Variants in SLCO1C1 observed in about 807,000 individuals in gnomAD.
SLCO1C1 encodes solute carrier organic anion transporter family member 1C1, also known as OAT-RP-5.
In SLCO1C1, 70 loss-of-function variants were observed where a neutral mutation model predicts 76.4. That is an observed-to-expected ratio of 0.92 (90% CI 0.76 to 1.12). The LOEUF (loss-of-function observed/expected upper bound fraction) is 1.12, where lower values mean the gene tolerates loss of function less well. Among genes scored for constraint, SLCO1C1 ranks in the 50% most tolerant of loss-of-function variants. The pLI is 0.00. For missense variants in SLCO1C1, 912 were observed against 823.8 expected, an observed-to-expected ratio of 1.11 and a Z score of -1.31; for synonymous variants, 306 against 286.1, an observed-to-expected ratio of 1.07 and a Z score of -0.70.
rs544107804 is a variant in SLCO1C1, at chr12:20,713,118, C to T, written c.529+1608C>T. 3.5e-5 allele frequency among the ~76,000 whole-genome samples: 5 copies of T among 143,954 alleles called. No individual in the cohort carries two copies. The South Asian group carries it at 8.8e-4, about 25-fold the overall frequency. 94.4% of individuals were successfully genotyped at this position (143,954 alleles called of 152,430 possible). A position where few individuals can be genotyped will look rare whatever the true frequency, so the allele number is the denominator to read the frequency against. On this transcript the variant is annotated intron_variant, in intron 5 of 14. Coordinates refer to ENST00000266509, the MANE Select transcript of SLCO1C1 (RefSeq NM_017435.5). ...TTTTTGAGACGGAGTCTCGCTCTGT[C>T]GCCCAGGCTGGAGTGCAGTGGCGCG...
chr12:20,723,020 C>T lies in SLCO1C1; in HGVS notation c.1022-70C>T, dbSNP rs71581957. 9.2e-3 allele frequency: 13,011 copies of T among 1,409,396 alleles called. 105 individuals carry two copies. Among genetic ancestry groups the T allele is most frequent in the South Asian group, 0.028 (2,132 of 76,060 alleles). The allele number at this position is 1,409,396 out of a possible 1,614,324, so 87.3% of individuals were successfully genotyped here. On this transcript the variant is annotated intron_variant, in intron 8 of 14. Transcript: ENST00000266509. Reference sequence around the variant, plus strand: ...ATGGGCCCCAGCCCTGTAAGTCCTGCCAGCACGGCTACTTCTTCTTCCATG... The same window carrying T: ...ATGGGCCCCAGCCCTGTAAGTCCTGTCAGCACGGCTACTTCTTCTTCCATG...
At chr12:20,724,147 T>C (rs1418992434) in intron 9 of SLCO1C1, among the ~76,000 whole-genome samples, 3 of 151,926 alleles carry the variant, frequency 2.0e-5, no homozygotes, top group African/African-American at 7.2e-5. Context: ...ACTTTTAACA[T>C]CAATTGATTT....
chr12:20,745,650 C>A (rs1377347527), intron 13 of SLCO1C1, among the ~76,000 whole-genome samples: 1 of 151,736 alleles, frequency 6.6e-6, no homozygotes, highest in Non-Finnish European at 1.5e-5. Flanking sequence ...CATGGTGAAA[C>A]CCCATCTCTA....
intron 11 of SLCO1C1, among the ~76,000 whole-genome samples, chr12:20,739,357 A>T (rs911694759): frequency 1.3e-5 from 2 of 152,032 alleles, no homozygotes; most frequent in Admixed American, 1.3e-4. Flanking sequence ...AAAGACATAC[A>T]TTAGAATAAG....
intron 3 of SLCO1C1, among the ~76,000 whole-genome samples, chr12:20,705,450 CAT>C (rs1446434881): frequency 2.0e-5 from 3 of 151,866 alleles, no homozygotes; most frequent in East Asian, 1.9e-4. Context: ...CATTTGTGTA[CAT>C]GTGTTTCATC....
intron 10 of SLCO1C1, among the ~76,000 whole-genome samples, chr12:20,733,637 C>A (rs1411859767): frequency 6.6e-6 from 1 of 152,182 alleles, no homozygotes; most frequent in Non-Finnish European, 1.5e-5. Context: ...CTTTGCAATC[C>A]TCCATAGTTG....
intron 11 of SLCO1C1, among the ~76,000 whole-genome samples, chr12:20,737,845 T>C (rs1021297127): frequency 6.6e-6 from 1 of 152,044 alleles, no homozygotes; most frequent in Non-Finnish European, 1.5e-5. Flanking sequence ...GTAGGAAATA[T>C]AGGTAGGAAT....
At chr12:20,709,829 C>T (rs1946976992) in intron 4 of SLCO1C1, among the ~76,000 whole-genome samples, 1 of 16,548 alleles carries the variant, frequency 6.0e-5, no homozygotes, top group Admixed American at 4.4e-4. Flanking sequence ...TGCAGTGAGC[C>T]GAGATTGCGC....
intron 10 of SLCO1C1, 133 bp from the exon 11 acceptor site, chr12:20,736,974 T>A: frequency 1.6e-6 from 1 of 616,778 alleles, no homozygotes; most frequent in South Asian, 3.7e-5. Flanking sequence ...CCATTTCTGA[T>A]GACAACTGTG....
At chr12:20,725,721 G>A (rs1022706965) in intron 9 of SLCO1C1, among the ~76,000 whole-genome samples, 9 of 150,812 alleles carry the variant, frequency 6.0e-5, no homozygotes, top group African/African-American at 2.2e-4. Flanking sequence ...AGTAGATATT[G>A]CCAAAACACA....
chr12:20,714,367 C>T (rs1947268302), intron 5 of SLCO1C1, among the ~76,000 whole-genome samples: 1 of 152,112 alleles, frequency 6.6e-6, no homozygotes, highest in African/African-American at 2.4e-5. Context: ...TATTAAAGCA[C>T]CTAAACCTTC....
rs1404982357 is a variant in SLCO1C1 at position 20,706,055 on chromosome 12, T to C, written c.378T>C (p.Ile126=). The change falls in exon 4 of 15, where the codon ATT becomes ATC. Residue 126 remains isoleucine (I), a synonymous_variant. Coordinates refer to ENST00000266509, the MANE Select transcript of SLCO1C1 (RefSeq NM_017435.5). ...TCATGGGAGTTGGAACACTGCTCAT[T>C]GCAATGCCTCAGTTCTTCATGGAGC... is the stretch of plus-strand genomic sequence containing the variant. ...CVIMGVGTLL[I]AMPQFFMEQY... 3 of 1,613,132 alleles carry C rather than the reference T, an allele frequency of 1.9e-6. No homozygotes were observed. The highest frequency in any genetic ancestry group is 2.5e-6 in the Non-Finnish European group (3 of 1,179,332).
intron 13 of SLCO1C1, among the ~76,000 whole-genome samples, chr12:20,750,059 A>C (rs1949223943): frequency 6.6e-6 from 1 of 152,306 alleles, no homozygotes; most frequent in Non-Finnish European, 1.5e-5. Flanking sequence ...TGAGGCCACA[A>C]AAGTAGAAAG....
chr12:20,701,718 G>A (rs568887858), intron 3 of SLCO1C1, among the ~76,000 whole-genome samples: 3 of 151,748 alleles, frequency 2.0e-5, no homozygotes, highest in Non-Finnish European at 4.4e-5. Flanking sequence ...CAGAGTAAGT[G>A]ACTTTCTTGG....
chr12:20,708,143 G>A lies in SLCO1C1; in HGVS notation c.404+2062G>A, dbSNP rs117472813. On this transcript the variant is annotated intron_variant, in intron 4 of 14. Transcript: ENST00000266509. ...GGTACTTATCCAAAATATGATTTTCGTTCTCTAAGAGATAACTATGCTCTG... is the reference window on the plus strand; with the variant it reads ...GGTACTTATCCAAAATATGATTTTCATTCTCTAAGAGATAACTATGCTCTG... Among the ~76,000 whole-genome samples, 898 of 152,072 alleles carry A rather than the reference G, an allele frequency of 5.9e-3. 5 individuals carry two copies. The highest frequency in any genetic ancestry group is 8.9e-3 in the Non-Finnish European group (608 of 67,990).
intron 1 of SLCO1C1, among the ~76,000 whole-genome samples, chr12:20,698,208 T>A (rs921579577): frequency 8.5e-5 from 13 of 152,192 alleles, no homozygotes; most frequent in African/African-American, 2.9e-4. Flanking sequence ...TTGTTTTTTG[T>A]CTTGATTAAC....
chr12:20,727,803 C>T (rs1948096377), intron 9 of SLCO1C1, among the ~76,000 whole-genome samples: 2 of 152,206 alleles, frequency 1.3e-5, no homozygotes, highest in Admixed American at 1.3e-4. Context: ...GCCACTGCGC[C>T]CGGCCACGTG....
intron 14 of SLCO1C1, among the ~76,000 whole-genome samples, chr12:20,751,408 A>G (rs1344758449): frequency 1.7e-5 from 2 of 120,934 alleles, no homozygotes; most frequent in South Asian, 6.7e-4. Context: ...AAAAATGCAA[A>G]AAGCATTGAA....
intron 2 of SLCO1C1, 29 bp downstream of exon 2, chr12:20,699,734 G>A (rs1231480117): frequency 1.3e-6 from 2 of 1,583,200 alleles, no homozygotes; most frequent in East Asian, 4.6e-5. Context: ...AAATAGTGTT[G>A]ATGCTCTTAG....
Sources: allele counts gnomAD v4.1 joint callset (sites outside exome capture counted in the v4.1 genomes callset), GRCh38; gene constraint gnomAD v4.1.1; transcripts MANE v1.5; gene names NCBI Gene and HGNC (gene_info 2026-07-23, HGNC 2026-07-21).